The following CAGE1 variants were observed in gnomAD, a reference collection of about 807,000 sequenced individuals.
CAGE1 encodes the protein cancer antigen 1.
Under a neutral mutation model 94.9 loss-of-function variants are expected in CAGE1, and 66 were observed. The observed-to-expected ratio is 0.70, with a 90% CI of 0.57 to 0.85. The LOEUF is 0.85. Among genes scored for constraint, CAGE1 ranks in the 40% least tolerant of loss-of-function variants. The probability of loss-of-function intolerance (pLI) is 0.00; values close to 1 mark genes in which losing one functional copy is unlikely to be tolerated. For missense variants in CAGE1, 865 were observed against 950.4 expected (o/e 0.91, Z 1.18); for synonymous variants, 319 against 321.0 (o/e 0.99, Z 0.07).
chr6:7,347,290 G>C (rs921036337), intron 11 of CAGE1: 1 of 152,226 alleles, frequency 6.6e-6, no homozygotes, highest in African/African-American at 2.4e-5. Context: ...GCAGAAGTGG[G>C]AAAGGGAGAC....
intron 3 of CAGE1, among the ~76,000 whole-genome samples, chr6:7,381,115 T>C (rs147451923): frequency 5.7e-4 from 87 of 152,324 alleles, no homozygotes; most frequent in African/African-American, 2.1e-3. Flanking sequence ...TGTATACTGT[T>C]ATGGGCTCAA....
At position 7,373,612 on chromosome 6, in the gene CAGE1, T is replaced by C. The variant is rs755246608; in HGVS notation, c.1207A>G (p.Lys403Glu). ...TTAAATTGAAGCTGTAACATTTCCTTGTCATTCCTGGATTCCTGAAGATGT... is the reference window on the plus strand; with the variant it reads ...TTAAATTGAAGCTGTAACATTTCCTCGTCATTCCTGGATTCCTGAAGATGT... Reference protein sequence around the residue: ...QKHLQESRNDKEMLQLQFKKI... With the variant: ...QKHLQESRNDEEMLQLQFKKI... The change falls in exon 5 of 14, where the codon AAG (lysine) becomes GAG (glutamate). Residue 403 changes from lysine (K) to glutamate (E), a missense_variant. Coordinates refer to ENST00000502583, the MANE Select transcript of CAGE1 (RefSeq NM_001170692.2). 1 of 1,613,494 alleles carries C rather than the reference T, an allele frequency of 6.2e-7. No individual in the cohort carries two copies. Among genetic ancestry groups the C allele is most frequent in the Non-Finnish European group, 8.5e-7 (1 of 1,179,782 alleles).
Position 7,329,831 on chromosome 6 carries a change from A to T in CAGE1, c.2478+18T>A. 7.9e-7 allele frequency: 1 copy of T among 1,270,562 alleles called. No individual in the cohort carries two copies. Among genetic ancestry groups the T allele is most frequent in the South Asian group, 1.3e-5 (1 of 77,108 alleles). 78.7% of individuals were successfully genotyped at this position (1,270,562 alleles called of 1,614,324 possible). Reference sequence around the variant, plus strand: ...TGGAAATGTAAGATTCTTTATCATGATCATCAAGGTGACCTACCATGGTCA... The same window carrying T: ...TGGAAATGTAAGATTCTTTATCATGTTCATCAAGGTGACCTACCATGGTCA... On this transcript the variant is annotated intron_variant, in intron 13 of 13. Coordinates refer to ENST00000502583, the MANE Select transcript of CAGE1 (RefSeq NM_001170692.2).
chr6:7,365,734 A>T, intron 8 of CAGE1, 70 bp downstream of exon 8: 1 of 1,340,270 alleles, frequency 7.5e-7, no homozygotes, highest in Non-Finnish European at 1.0e-6. Flanking sequence ...CAAATTTACC[A>T]AAAGAACATA....
At chr6:7,365,770 G>A (rs768115230) in intron 8 of CAGE1, 34 bp downstream of exon 8, 2 of 1,378,712 alleles carry the variant, frequency 1.5e-6, no homozygotes, top group South Asian at 2.6e-5. Flanking sequence ...ATATTTTTAT[G>A]TTAAAGATAG....
Position 7,367,314 on chromosome 6 carries a change from T to C in CAGE1, c.2004+1374A>G, listed in dbSNP as rs1458234865. 6.9e-5 allele frequency among the ~76,000 whole-genome samples: 10 copies of C among 145,712 alleles called. No homozygotes were observed. In the East Asian group the frequency reaches 2.1e-3, roughly 30 times the overall value. ...TTTTTTGCTTTTTGTTGTTATTGTT[T>C]GTTTGTTTTGAGACAGTGTTTTGAG... On this transcript the variant is annotated intron_variant, in intron 7 of 13. Transcript: ENST00000502583.
At chr6:7,348,340 G>A (rs1171322768) in intron 11 of CAGE1, among the ~76,000 whole-genome samples, 1 of 152,106 alleles carries the variant, frequency 6.6e-6, no homozygotes, top group Non-Finnish European at 1.5e-5. Context: ...ACTGCAGCTC[G>A]GCCCATAGGA....
chr6:7,338,933 T>A, intron 11 of CAGE1: 1 of 1,603,846 alleles, frequency 6.2e-7, no homozygotes, highest in South Asian at 1.1e-5. Context: ...CATCTTTGGG[T>A]TCCACGATGC....
intron 7 of CAGE1, 48 bp from the exon 8 acceptor site, chr6:7,365,932 G>T (rs1038984612): frequency 1.9e-6 from 2 of 1,075,818 alleles, no homozygotes; most frequent in East Asian, 5.2e-5. Flanking sequence ...ATACAACTAC[G>T]CTCTAATATT....
At chr6:7,332,094 C>T (rs1235438457) in intron 12 of CAGE1, among the ~76,000 whole-genome samples, 1 of 152,194 alleles carries the variant, frequency 6.6e-6, no homozygotes, top group East Asian at 1.9e-4. Flanking sequence ...AAAAGCAGGG[C>T]TTCTCCTCCC....
chr6:7,387,684 A>G (rs1455463736), intron 1 of CAGE1, among the ~76,000 whole-genome samples: 1 of 151,948 alleles, frequency 6.6e-6, no homozygotes, highest in Non-Finnish European at 1.5e-5. Flanking sequence ...CTCATCATGC[A>G]TGGCTATTCA....
At chr6:7,374,895 T>C (rs531639592) in intron 4 of CAGE1, among the ~76,000 whole-genome samples, 212 of 151,954 alleles carry the variant, frequency 1.4e-3, no homozygotes, top group Middle Eastern at 3.4e-3. Context: ...CCAGGCATGG[T>C]AGCACATGCT....
At chr6:7,358,027 G>A (rs2764078) in intron 9 of CAGE1, among the ~76,000 whole-genome samples, 2,631 of 47,778 alleles carry the variant, frequency 0.055, 165 homozygotes, top group East Asian at 0.15. Flanking sequence ...TAAGTTTTGA[G>A]ATATATATAT....
intron 12 of CAGE1, chr6:7,331,777 T>TGGCAGCAGA (rs1758764097): frequency 6.3e-6 from 1 of 158,336 alleles, no homozygotes. Context: ...GTGGCAGCAG[T>TGGCAGCAGA]GGCAGCAGAG....
intron 11 of CAGE1, among the ~76,000 whole-genome samples, chr6:7,343,198 A>AAAAAAAGAGAAAAG (rs574460085): frequency 7.3e-6 from 1 of 137,320 alleles, no homozygotes. Context: ...CACAAAAAAA[A>AAAAAAAGAGAAAAG]AAAAGAAAAG....
At chr6:7,345,727 A>G (rs1032182145) in intron 11 of CAGE1, among the ~76,000 whole-genome samples, 3 of 152,014 alleles carry the variant, frequency 2.0e-5, no homozygotes, top group African/African-American at 7.2e-5. Context: ...GGAAATTGAG[A>G]CCATCCTGGC....
At chr6:7,330,249 A>G (rs753720424) in intron 12 of CAGE1, among the ~76,000 whole-genome samples, 2 of 152,128 alleles carry the variant, frequency 1.3e-5, no homozygotes, top group Non-Finnish European at 2.9e-5. Context: ...TTACCTGGGC[A>G]TGGTGGCACG....
intron 11 of CAGE1, among the ~76,000 whole-genome samples, chr6:7,342,677 T>C (rs1206731378): frequency 6.6e-6 from 1 of 152,226 alleles, no homozygotes; most frequent in Non-Finnish European, 1.5e-5. Flanking sequence ...AATCATTGTT[T>C]TTGTTGCATT....
At chr6:7,354,769 C>T (rs1273777425) in intron 11 of CAGE1, among the ~76,000 whole-genome samples, 1 of 152,088 alleles carries the variant, frequency 6.6e-6, no homozygotes, top group East Asian at 1.9e-4. Context: ...ACGATAATGT[C>T]CTCTAAAATT....
Sources: gnomAD v4.1 joint callset for allele counts (sites outside exome capture counted in the v4.1 genomes callset) on GRCh38, gnomAD v4.1.1 for gene constraint, MANE v1.5 for transcripts, NCBI Gene and HGNC (gene_info 2026-07-23, HGNC 2026-07-21) for gene names.